ABLIM2: variants seen among roughly 807,000 people sequenced by gnomAD.
ABLIM2 encodes the protein actin binding LIM protein family member 2, also known as actin-binding LIM protein 2.
ABLIM2 carries 53 observed loss-of-function variants against 97.7 expected under a neutral mutation model. That is an observed-to-expected ratio of 0.54 (90% CI 0.44 to 0.68). The LOEUF (loss-of-function observed/expected upper bound fraction) is 0.68. Among genes scored for constraint, ABLIM2 ranks in the 30% least tolerant of loss-of-function variants. The pLI is 0.00. For synonymous variants in ABLIM2, 361 were observed against 345.8 expected (o/e 1.04, Z -0.49); for missense variants, 835 against 867.2 (o/e 0.96, Z 0.47).
chr4:8,155,172 G>A lies in ABLIM2; in HGVS notation c.10+3508C>T, dbSNP rs985469514. On this transcript the variant is annotated intron_variant, in intron 1 of 20. Coordinates refer to ENST00000447017, the MANE Select transcript of ABLIM2 (RefSeq NM_001130083.2). The surrounding 1 kb of genome is among the most constrained non-coding windows in gnomAD (Gnocchi z 4.2). ...TGTGCATCTTTGCTGAATAACGAGT[G>A]AGTGAGATGGAACAGATGGCTCATA... Among the ~76,000 whole-genome samples, 3 of 152,242 alleles carry A rather than the reference G, an allele frequency of 2.0e-5. No homozygotes were observed. Among genetic ancestry groups the A allele is most frequent in the Non-Finnish European group, 4.4e-5 (3 of 68,038 alleles).
intron 8 of ABLIM2, among the ~76,000 whole-genome samples, chr4:8,049,973 C>T (rs1171473789): frequency 2.0e-5 from 3 of 152,320 alleles, no homozygotes; most frequent in Middle Eastern, 3.4e-3. Context: ...AATGATCCAC[C>T]AACCTCAGCC....
intron 1 of ABLIM2, among the ~76,000 whole-genome samples, chr4:8,139,049 T>C (rs1850572179): frequency 6.6e-6 from 1 of 152,052 alleles, no homozygotes; most frequent in East Asian, 1.9e-4. Context: ...ATACAAAAAT[T>C]GCCGGACATG....
chr4:8,124,268 A>G lies in ABLIM2; in HGVS notation c.11-17631T>C, dbSNP rs1846803694. Among the ~76,000 whole-genome samples the G allele has an allele frequency of 6.6e-6, 1 of 152,244 alleles. No homozygotes were observed. The highest frequency in any genetic ancestry group is 2.1e-4 in the South Asian group (1 of 4,828). On this transcript the variant is annotated intron_variant, in intron 1 of 20. Transcript: ENST00000447017. The surrounding 1 kb of genome is among the most constrained non-coding windows in gnomAD (Gnocchi z 6.1). ...ATCTGAAAATCATAACTTCATTGAG[A>G]TATAATTCACATAGCCGTACAATTT... is the stretch of plus-strand genomic sequence containing the variant.
chr4:8,040,449 A>G (rs537946873), intron 9 of ABLIM2, among the ~76,000 whole-genome samples: 1 of 152,134 alleles, frequency 6.6e-6, no homozygotes, highest in East Asian at 1.9e-4. Context: ...TGTCTCTACT[A>G]AAAATACAAA....
chr4:8,063,435 G>C (rs926797002), intron 6 of ABLIM2, among the ~76,000 whole-genome samples: 2 of 152,222 alleles, frequency 1.3e-5, no homozygotes, highest in Admixed American at 6.5e-5. Context: ...TCCACAGCTC[G>C]GGCCAAGAAG....
intron 20 of ABLIM2, among the ~76,000 whole-genome samples, chr4:7,976,482 A>G (rs1733136177): frequency 6.6e-6 from 1 of 152,192 alleles, no homozygotes; most frequent in African/African-American, 2.4e-5. Flanking sequence ...TCTTAGGCTA[A>G]AAACCAAACT....
At chr4:8,079,429 T>G (rs1405931949) in intron 5 of ABLIM2, among the ~76,000 whole-genome samples, 1 of 152,192 alleles carries the variant, frequency 6.6e-6, no homozygotes, top group Admixed American at 6.5e-5. Context: ...TCATTTTATA[T>G]TAAAGTGCTG....
In ABLIM2 at chr4:8,015,609, C is replaced by T. The variant is rs1768420999; in HGVS notation, c.1423+4009G>A. ...AACCAGGGCACAAAGACACAGGGAA[C>T]AACGTGTGTCCCGTGGGGTCACTTC... On this transcript the variant is annotated intron_variant, in intron 14 of 20. Coordinates refer to ENST00000447017, the MANE Select transcript of ABLIM2 (RefSeq NM_001130083.2). The surrounding 1 kb of genome is among the most constrained non-coding windows in gnomAD (Gnocchi z 4.6). 6.6e-6 allele frequency among the ~76,000 whole-genome samples: 1 copy of T among 152,226 alleles called. No individual in the cohort carries two copies. The highest frequency in any genetic ancestry group is 2.1e-4 in the South Asian group (1 of 4,830).
chr4:8,144,648 C>T (rs1851510101), intron 1 of ABLIM2, among the ~76,000 whole-genome samples: 3 of 152,162 alleles, frequency 2.0e-5, no homozygotes, highest in Admixed American at 2.0e-4. Flanking sequence ...CAGGCTTCTC[C>T]ATGTCACTTT....
At position 8,127,889 on chromosome 4, in the gene ABLIM2, C is replaced by G. The variant is rs781174892; in HGVS notation, c.11-21252G>C. On this transcript the variant is annotated intron_variant, in intron 1 of 20. Coordinates refer to ENST00000447017, the MANE Select transcript of ABLIM2 (RefSeq NM_001130083.2). The surrounding 1 kb of genome is among the most constrained non-coding windows in gnomAD (Gnocchi z 7.3). ...GTGGGGGTGGGGAGCATCTGCTGAC[C>G]CTTCCTCCATGTGTAGGGGCAGCAA... is the stretch of plus-strand genomic sequence containing the variant. Among the ~76,000 whole-genome samples, 4 of 152,150 alleles carry G rather than the reference C, an allele frequency of 2.6e-5. No homozygotes were observed. The highest frequency in any genetic ancestry group is 5.9e-5 in the Non-Finnish European group (4 of 68,016).
chr4:8,042,827 G>A (rs1431044603), intron 9 of ABLIM2, among the ~76,000 whole-genome samples: 12 of 94,438 alleles, frequency 1.3e-4, no homozygotes, highest in African/African-American at 3.7e-4. Context: ...CAACAAGAGC[G>A]AAACTCCAAC....
Position 8,032,533 on chromosome 4 carries a change from C to T in ABLIM2, c.1048-2757G>A. ...GTCACAAGGGCCGTGGCCCCGGGCC[C>T]CATGGTGAAGAGCCACCGAGGAGGC... On this transcript the variant is annotated intron_variant, in intron 10 of 20. Coordinates refer to ENST00000447017, the MANE Select transcript of ABLIM2 (RefSeq NM_001130083.2). The surrounding 1 kb of genome is among the most constrained non-coding windows in gnomAD (Gnocchi z 4.3). 7.2e-7 allele frequency: 1 copy of T among 1,379,784 alleles called. No homozygotes were observed. Among genetic ancestry groups the T allele is most frequent in the South Asian group, 1.2e-5 (1 of 83,278 alleles). The allele number at this position is 1,379,784 out of a possible 1,614,324, so 85.5% of individuals were successfully genotyped here. A position where few individuals can be genotyped will look rare whatever the true frequency, so the allele number is the denominator to read the frequency against.
At position 7,986,443 on chromosome 4, in the gene ABLIM2, G is replaced by A. The variant is rs1337395538; in HGVS notation, c.1681-1550C>T. Among the ~76,000 whole-genome samples the A allele has an allele frequency of 1.3e-5, 2 of 152,206 alleles. No homozygotes were observed. The highest frequency in any genetic ancestry group is 4.8e-5 in the African/African-American group (2 of 41,466). On this transcript the variant is annotated intron_variant, in intron 17 of 20. Transcript: ENST00000447017. The surrounding 1 kb of genome is among the most constrained non-coding windows in gnomAD (Gnocchi z 4.3). ...GGCTCACGAGTGGGGTAAGCACCCA[G>A]GCAGAGGACTGGAACTGGTCTCTAT...
intron 5 of ABLIM2, among the ~76,000 whole-genome samples, chr4:8,079,775 T>TGC (rs1491039770): frequency 1.0e-4 from 15 of 148,610 alleles, no homozygotes; most frequent in Admixed American, 6.0e-4. Flanking sequence ...TGTGTGTGTG[T>TGC]GCGCGCGCCT....
At chr4:8,017,801 G>A (rs1770530979) in intron 14 of ABLIM2, among the ~76,000 whole-genome samples, 1 of 152,114 alleles carries the variant, frequency 6.6e-6, no homozygotes, top group African/African-American at 2.4e-5. Flanking sequence ...AGATCATCCT[G>A]GCCAACATGG....
At chr4:8,101,066 G>A (rs968641123) in intron 2 of ABLIM2, among the ~76,000 whole-genome samples, 1 of 152,236 alleles carries the variant, frequency 6.6e-6, no homozygotes, top group African/African-American at 2.4e-5. Context: ...ACCACCCAAG[G>A]TGCTGTCCAC....
intron 17 of ABLIM2, among the ~76,000 whole-genome samples, chr4:7,988,979 A>T (rs891163687): frequency 1.3e-5 from 2 of 151,308 alleles, no homozygotes; most frequent in African/African-American, 4.9e-5. Flanking sequence ...CATTCAAGAG[A>T]TATATTTTTC....
chr4:8,089,732 CAAAAAAAA>C (rs58396378), intron 3 of ABLIM2, among the ~76,000 whole-genome samples: 66 of 87,678 alleles, frequency 7.5e-4, no homozygotes, highest in African/African-American at 2.4e-3. Flanking sequence ...AGATTCATAT[CAAAAAAAA>C]AAAAAAAAAA....
rs1020307096 is a variant in ABLIM2 at position 7,966,644 on chromosome 4, G to A, written c.*346C>T. ...CGTCCCGGCCACCTCTGTCCCCCAC[G>A]TGCCCAGCACCGGGGCCAGGGCACC... On this transcript the variant is annotated 3_prime_UTR_variant, in exon 21 of 21. Coordinates refer to ENST00000447017, the MANE Select transcript of ABLIM2 (RefSeq NM_001130083.2). The A allele has an allele frequency of 2.9e-5, 7 of 245,322 alleles. No homozygotes were observed. Among genetic ancestry groups the A allele is most frequent in the African/African-American group, 4.4e-5 (2 of 45,564 alleles). The allele number at this position is 245,322 out of a possible 1,614,324, so 15.2% of individuals were successfully genotyped here.
Sources: gnomAD v4.1 joint callset for allele counts (sites outside exome capture counted in the v4.1 genomes callset) on GRCh38, gnomAD v4.1.1 for gene constraint, Gnocchi (gnomAD v3.1) non-coding constraint, MANE v1.5 for transcripts, NCBI Gene and HGNC (gene_info 2026-07-23, HGNC 2026-07-21) for gene names.